Variants in TRPC4AP observed in about 807,000 individuals in gnomAD.
TRPC4AP encodes the protein transient receptor potential cation channel subfamily C member 4 associated protein.
In TRPC4AP, 45 loss-of-function variants were observed where a neutral mutation model predicts 99.0. That is an observed-to-expected ratio of 0.45 (90% CI 0.36 to 0.58). The LOEUF (loss-of-function observed/expected upper bound fraction) is 0.58. TRPC4AP is among the 20% of genes least tolerant of loss of function. The pLI is 0.00. For synonymous variants in TRPC4AP, 408 were observed against 385.8 expected, an observed-to-expected ratio of 1.06 and a Z score of -0.67; for missense variants, 879 against 985.3, an observed-to-expected ratio of 0.89 and a Z score of 1.44.
rs544836617 is a variant in TRPC4AP at position 35,036,294 on chromosome 20, C to T, written c.866-986G>A. Among the ~76,000 whole-genome samples the T allele has an allele frequency of 1.2e-4, 19 of 152,324 alleles. No homozygotes were observed. The East Asian group carries it at 3.3e-3, about 26-fold the overall frequency. On this transcript the variant is annotated intron_variant, in intron 7 of 18. Coordinates refer to ENST00000252015, the MANE Select transcript of TRPC4AP (RefSeq NM_015638.3). Reference sequence around the variant, plus strand: ...ACAGAAAAGAAGCCAAGAGCAGTGGCTGCCACAGTAAACAGCCATAAGATG... The same window carrying T: ...ACAGAAAAGAAGCCAAGAGCAGTGGTTGCCACAGTAAACAGCCATAAGATG...
At chr20:35,051,458 C>T (rs2083698688) in intron 5 of TRPC4AP, among the ~76,000 whole-genome samples, 2 of 152,056 alleles carry the variant, frequency 1.3e-5, no homozygotes, top group South Asian at 4.1e-4. Flanking sequence ...CAGGCGTGCA[C>T]CACCGCACCT....
intron 9 of TRPC4AP, among the ~76,000 whole-genome samples, chr20:35,020,353 T>C (rs2082856166): frequency 6.6e-6 from 1 of 152,214 alleles, no homozygotes; most frequent in Non-Finnish European, 1.5e-5. Context: ...ACCTGGTCCC[T>C]GTGAGCCCTC....
At chr20:35,053,619 G>A (rs958607541) in intron 5 of TRPC4AP, among the ~76,000 whole-genome samples, 1 of 152,138 alleles carries the variant, frequency 6.6e-6, no homozygotes, top group Non-Finnish European at 1.5e-5. Context: ...AAGGTGGCCA[G>A]GCCAAACTAA....
intron 1 of TRPC4AP, among the ~76,000 whole-genome samples, chr20:35,084,970 A>G (rs2084796961): frequency 6.6e-6 from 1 of 152,196 alleles, no homozygotes. Context: ...AGACTAGTGG[A>G]GACGAGTAAG....
intron 11 of TRPC4AP, among the ~76,000 whole-genome samples, chr20:35,011,802 C>T (rs1225960711): frequency 6.6e-6 from 1 of 152,240 alleles, no homozygotes; most frequent in Non-Finnish European, 1.5e-5. Context: ...GCTGACACTT[C>T]AGGTCTTGGC....
chr20:35,086,844 C>A (rs958947146), intron 1 of TRPC4AP, among the ~76,000 whole-genome samples: 2 of 151,704 alleles, frequency 1.3e-5, no homozygotes, highest in African/African-American at 4.8e-5. Flanking sequence ...ACCAGCCTAG[C>A]CAGCATGGTG....
chr20:35,064,302 G>A (rs1268534803), intron 3 of TRPC4AP, among the ~76,000 whole-genome samples: 1 of 152,218 alleles, frequency 6.6e-6, no homozygotes, highest in Non-Finnish European at 1.5e-5. Context: ...CAAGCCAAAT[G>A]AAGAAGGAAG....
intron 8 of TRPC4AP, among the ~76,000 whole-genome samples, chr20:35,024,854 A>AAACAAAAACAT (rs1479270980): frequency 1.1e-5 from 1 of 89,480 alleles, no homozygotes; most frequent in Non-Finnish European, 2.3e-5. Context: ...AAAAAAAAAA[A>AAACAAAAACAT]ATTCTGTTTA....
intron 1 of TRPC4AP, among the ~76,000 whole-genome samples, chr20:35,091,046 T>C (rs1459305510): frequency 3.3e-5 from 5 of 151,428 alleles, no homozygotes; most frequent in Non-Finnish European, 7.4e-5. Context: ...CAAGTATTTC[T>C]AGGATTTTTT....
chr20:35,025,401 G>C (rs997556589), intron 8 of TRPC4AP, among the ~76,000 whole-genome samples: 1 of 152,040 alleles, frequency 6.6e-6, no homozygotes, highest in Non-Finnish European at 1.5e-5. Context: ...TGTTTGAGCT[G>C]GTCTTGAACA....
chr20:35,018,724 C>T (rs551563311), intron 9 of TRPC4AP, among the ~76,000 whole-genome samples: 255 of 151,930 alleles, frequency 1.7e-3, no homozygotes, highest in Middle Eastern at 6.9e-3. Context: ...AGCCCCGTAG[C>T]CTGCTCTATA....
intron 1 of TRPC4AP, among the ~76,000 whole-genome samples, chr20:35,086,958 G>A (rs1302874609): frequency 5.9e-5 from 9 of 151,876 alleles, no homozygotes; most frequent in Non-Finnish European, 1.0e-4. Flanking sequence ...GCTTGAACCC[G>A]GGAAGCGGAG....
At chr20:35,072,640 T>G (rs1014673717) in intron 2 of TRPC4AP, among the ~76,000 whole-genome samples, 2 of 152,206 alleles carry the variant, frequency 1.3e-5, no homozygotes, top group Non-Finnish European at 2.9e-5. Context: ...CACTGGTCTA[T>G]ATCTCTGTTT....
intron 4 of TRPC4AP, among the ~76,000 whole-genome samples, chr20:35,057,215 A>C (rs2083855734): frequency 6.6e-6 from 1 of 152,148 alleles, no homozygotes; most frequent in Non-Finnish European, 1.5e-5. Flanking sequence ...GAGTGATCTT[A>C]CTCTCTCAGC....
intron 18 of TRPC4AP, 38 bp from the exon 19 acceptor site, chr20:35,003,321 ACCCAGGTCAAG>A (rs1459164995): frequency 1.3e-5 from 21 of 1,613,528 alleles, no homozygotes; most frequent in Non-Finnish European, 1.6e-5. Context: ...CGCCTGGAGG[ACCCAGGTCAAG>A]CCCAGCACCG....
intron 11 of TRPC4AP, among the ~76,000 whole-genome samples, chr20:35,010,989 G>A (rs1043762523): frequency 2.6e-5 from 4 of 152,176 alleles, no homozygotes; most frequent in Non-Finnish European, 5.9e-5. Context: ...GGCCGGGCGC[G>A]GTGGTTCACG....
At chr20:35,013,188 T>C in intron 10 of TRPC4AP, 122 bp from the exon 11 acceptor site, 1 of 834,704 alleles carries the variant, frequency 1.2e-6, no homozygotes, top group Non-Finnish European at 2.0e-6. Flanking sequence ...CATGAGGACT[T>C]TTCTTTAGTT....
chr20:35,086,268 A>T (rs1342997163), intron 1 of TRPC4AP, among the ~76,000 whole-genome samples: 2 of 151,970 alleles, frequency 1.3e-5, no homozygotes, highest in Non-Finnish European at 2.9e-5. Context: ...CTAAATAGAT[A>T]TCTTAAAGGA....
At chr20:35,020,010 T>A (rs929419432) in intron 9 of TRPC4AP, among the ~76,000 whole-genome samples, 4 of 152,164 alleles carry the variant, frequency 2.6e-5, no homozygotes, top group African/African-American at 9.7e-5. Flanking sequence ...ACCACCTCAA[T>A]ACCTGGCAAA....
Sources: allele counts gnomAD v4.1 joint callset (sites outside exome capture counted in the v4.1 genomes callset), GRCh38; gene constraint gnomAD v4.1.1; transcripts MANE v1.5; gene names NCBI Gene and HGNC (gene_info 2026-07-23, HGNC 2026-07-21).